OGG1: variants seen among roughly 807,000 people sequenced by gnomAD.
The protein encoded by OGG1 is 8-oxoguanine DNA glycosylase, also known as N-glycosylase/DNA lyase.
OGG1 carries 35 observed loss-of-function variants against 42.3 expected under a neutral mutation model. That is an observed-to-expected ratio of 0.83 (90% CI 0.63 to 1.10). The LOEUF (loss-of-function observed/expected upper bound fraction) is 1.10, where lower values mean the gene tolerates loss of function less well. OGG1 is among the 50% of genes least tolerant of loss of function. The pLI, the probability that OGG1 is intolerant of heterozygous loss-of-function variation, is 0.00. For missense variants in OGG1, 484 were observed against 446.7 expected, an observed-to-expected ratio of 1.08 and a Z score of -0.75; for synonymous variants, 189 against 179.0, an observed-to-expected ratio of 1.06 and a Z score of -0.44.
chr3:9,787,038 G>A (rs1403281515), intron 3 of OGG1: 3 of 1,614,210 alleles, frequency 1.9e-6, no homozygotes, highest in Admixed American at 1.7e-5. Flanking sequence ...CGCTGCGTCA[G>A]GGCACCAAAG....
Position 9,754,752 on chromosome 3 carries a change from C to T in OGG1, c.614C>T (p.Ala205Val). 1 of 1,614,116 alleles carries T rather than the reference C, an allele frequency of 6.2e-7. No homozygotes were observed. The highest frequency in any genetic ancestry group is 8.5e-7 in the Non-Finnish European group (1 of 1,180,002). ...AGGAAGCTGGGCCTGGGCTATCGTG[C>T]CCGTTACGTGAGTGCCAGTGCCCGA... ...HLRKLGLGYR[A>V]RYVSASARAI... The change falls in exon 4 of 7, where the codon GCC (alanine) becomes GTC (valine). Residue 205 changes from alanine to valine, a missense_variant. Coordinates refer to ENST00000344629, the MANE Select transcript of OGG1 (RefSeq NM_002542.6).
chr3:9,784,045 C>T (rs1048096367), intron 3 of OGG1: 1 of 1,613,886 alleles, frequency 6.2e-7, no homozygotes, highest in Non-Finnish European at 8.5e-7. Context: ...GGTCGTGCTT[C>T]TTGGTGCGGT....
At chr3:9,781,127 C>T (rs2078450925) in intron 2 of OGG1, among the ~76,000 whole-genome samples, 2 of 150,668 alleles carry the variant, frequency 1.3e-5, no homozygotes, top group Admixed American at 1.3e-4. Flanking sequence ...GTGACTGTGT[C>T]TTCAAAAAAA....
Position 9,783,943 on chromosome 3 carries a change from C to G in OGG1, c.382+2343C>G. ...TAGAGGCCAGCCAGGATTGGAAAGC[C>G]TGTTGTAAAACCCCTGAAAGGTGAC... On this transcript the variant is annotated intron_variant, in intron 3 of 3. Coordinates refer to the OGG1 transcript ENST00000426518. 4.8e-6 allele frequency: 7 copies of G among 1,469,150 alleles called. No individual in the cohort carries two copies. The South Asian group carries it at 6.9e-5, about 14-fold the overall frequency. 91.0% of individuals were successfully genotyped at this position (1,469,150 alleles called of 1,614,324 possible). A position where few individuals can be genotyped will look rare whatever the true frequency, so the allele number is the denominator to read the frequency against.
At chr3:9,780,275 A>G (rs1307452225) in intron 2 of OGG1, 3 of 1,436,994 alleles carry the variant, frequency 2.1e-6, no homozygotes, top group South Asian at 1.3e-5. Context: ...CCACAGGCCA[A>G]TGTTTCCTGT....
At chr3:9,751,995 A>C in intron 3 of OGG1, 46 bp downstream of exon 3, 1 of 1,575,164 alleles carries the variant, frequency 6.3e-7, no homozygotes. Context: ...TCAGCTTTCA[A>C]GATCTGTTCA....
At chr3:9,759,387 G>T (rs184042619), downstream of OGG1, 7,735 of 1,565,492 alleles carry the variant, frequency 4.9e-3, 29 homozygotes, top group Non-Finnish European at 5.6e-3. Context: ...AGCAGTTACT[G>T]TGTGCCCAGT....
chr3:9,784,635 T>C (rs1238777976), intron 3 of OGG1, among the ~76,000 whole-genome samples: 1 of 151,596 alleles, frequency 6.6e-6, no homozygotes. Context: ...AAGGCCGAGG[T>C]GGGAGGATCA....
intron 3 of OGG1, 23 bp downstream of exon 3, chr3:9,751,972 C>T: frequency 1.2e-6 from 2 of 1,607,462 alleles, no homozygotes; most frequent in Non-Finnish European, 1.7e-6. Context: ...GTCCCCTGCC[C>T]CCAGGCCTTC....
chr3:9,786,721 G>C (rs971607664), intron 3 of OGG1, among the ~76,000 whole-genome samples: 1 of 152,234 alleles, frequency 6.6e-6, no homozygotes, highest in Non-Finnish European at 1.5e-5. Context: ...AGGGGCATGA[G>C]AGGGGCTTCT....
chr3:9,757,226 C>T lies in OGG1; in HGVS notation c.*76C>T, dbSNP rs781304487. 47 of 1,613,770 alleles carry T rather than the reference C, an allele frequency of 2.9e-5. No individual in the cohort carries two copies. The highest frequency in any genetic ancestry group is 3.8e-5 in the Non-Finnish European group (45 of 1,179,846). Reference sequence around the variant, plus strand: ...CCACTTCTCTCTCCCCATCCCCACCCAGTCTCATGTTGGGGAGGGGCCTCC... The same window carrying T: ...CCACTTCTCTCTCCCCATCCCCACCTAGTCTCATGTTGGGGAGGGGCCTCC... On this transcript the variant is annotated 3_prime_UTR_variant, in exon 7 of 7. Coordinates refer to ENST00000344629, the MANE Select transcript of OGG1 (RefSeq NM_002542.6). This position sits in a 1 kb window ranked among gnomAD's most constrained non-coding sequence, Gnocchi z 4.5.
downstream of OGG1, chr3:9,758,039 T>C (rs1172169385): frequency 1.3e-6 from 1 of 768,186 alleles, no homozygotes; most frequent in Non-Finnish European, 2.0e-6. Flanking sequence ...CACGCACATA[T>C]GTTAGATGTA....
Position 9,766,064 on chromosome 3 carries a change from CCAGT to C in OGG1, c.*236_*239del, listed in dbSNP as rs759994623. The C allele has an allele frequency of 7.6e-6, 12 of 1,578,214 alleles. No individual in the cohort carries two copies. In the African/African-American group the frequency reaches 9.5e-5, roughly 12 times the overall value. ...AGATGGTCACATGACCCAGGCCTGG[CCAGT>C]CAAAGTAGTCTCTCCCCTGGCCACA... On this transcript the variant is annotated 3_prime_UTR_variant, in exon 8 of 8. Coordinates refer to the OGG1 transcript ENST00000302008.
chr3:9,774,795 G>T (rs1358977429), intron 2 of OGG1, among the ~76,000 whole-genome samples: 3 of 152,164 alleles, frequency 2.0e-5, no homozygotes, highest in Non-Finnish European at 4.4e-5. Context: ...ATTCTGGTGG[G>T]AAAATGATTT....
At chr3:9,776,388 C>CTTTT (rs57504240) in intron 2 of OGG1, among the ~76,000 whole-genome samples, 24 of 121,118 alleles carry the variant, frequency 2.0e-4, no homozygotes, top group South Asian at 2.6e-4. Flanking sequence ...TTTTTCTTTT[C>CTTTT]TTTTTTTTTT....
chr3:9,761,475 G>A (rs984555482), downstream of OGG1: 2 of 1,612,228 alleles, frequency 1.2e-6, no homozygotes, highest in Non-Finnish European at 1.7e-6. Flanking sequence ...TGTAGGCGAT[G>A]ACACCTATGG....
rs892541088 is a variant in OGG1, at chr3:9,749,966, C to T, written c.-321C>T. 2.7e-6 allele frequency: 1 copy of T among 365,936 alleles called. No homozygotes were observed. The highest frequency in any genetic ancestry group is 4.6e-5 in the South Asian group (1 of 21,668). The allele number at this position is 365,936 out of a possible 1,614,324, so 22.7% of individuals were successfully genotyped here. ...GCCCTACTTCCGGTGGTGCTGTGGTCTGCCCCTGGAGAACCCAGAAGAACA... is the reference window on the plus strand; with the variant it reads ...GCCCTACTTCCGGTGGTGCTGTGGTTTGCCCCTGGAGAACCCAGAAGAACA... On this transcript the variant is annotated 5_prime_UTR_variant, in exon 1 of 7. Coordinates refer to ENST00000344629, the MANE Select transcript of OGG1 (RefSeq NM_002542.6).
At chr3:9,759,446 G>T, downstream of OGG1, 1 of 1,613,838 alleles carries the variant, frequency 6.2e-7, no homozygotes, top group Non-Finnish European at 8.5e-7. Flanking sequence ...ATGGGGAGGA[G>T]TCCTGGGGAG....
intron 7 of OGG1, among the ~76,000 whole-genome samples, chr3:9,762,732 G>A (rs1575240479): frequency 1.3e-5 from 2 of 151,886 alleles, no homozygotes; most frequent in South Asian, 2.1e-4. Context: ...CAATTCACTC[G>A]TGTTCCTTTG....
Sources: gnomAD v4.1 joint callset for allele counts (sites outside exome capture counted in the v4.1 genomes callset) on GRCh38, gnomAD v4.1.1 for gene constraint, Gnocchi (gnomAD v3.1) non-coding constraint, MANE v1.5 for transcripts, NCBI Gene and HGNC (gene_info 2026-07-23, HGNC 2026-07-21) for gene names.